Variants in TEX11 observed in about 807,000 individuals in gnomAD.
The protein encoded by TEX11 is testis-expressed protein 11.
A neutral mutation model predicts 84.4 loss-of-function variants in TEX11; 7 were observed. The observed-to-expected ratio is 0.08, with a 90% confidence interval of 0.05 to 0.16. TEX11 has a LOEUF of 0.16. Among genes scored for constraint, TEX11 ranks in the 10% least tolerant of loss-of-function variants. The pLI is 1.00. For missense variants in TEX11, 551 were observed against 660.5 expected (o/e 0.83, Z 1.82); for synonymous variants, 264 against 222.8 (o/e 1.18, Z -1.64).
intron 16 of TEX11, among the ~76,000 whole-genome samples, chrX:70,658,444 C>T (rs766588464): frequency 6.3e-5 from 7 of 110,768 alleles, no homozygotes; most frequent in East Asian, 2.8e-4. Flanking sequence ...AACAAAAAAA[C>T]CCATAGTAAT....
At chrX:70,753,101 C>T (rs1161863908) in intron 9 of TEX11, among the ~76,000 whole-genome samples, 3 of 106,450 alleles carry the variant, frequency 2.8e-5, no homozygotes, top group Admixed American at 1.0e-4. Flanking sequence ...TACTGTGGGT[C>T]GGTAAATGAA....
chrX:70,581,598 C>T (rs1487654203), intron 25 of TEX11, among the ~76,000 whole-genome samples: 1 of 110,738 alleles, frequency 9.0e-6, no homozygotes, highest in Non-Finnish European at 1.9e-5. Context: ...GCGCCTGGTC[C>T]TATATACTGT....
At chrX:70,907,959 A>AG in intron 1 of TEX11, 149 bp from the exon 2 acceptor site, 1 of 439,659 alleles carries the variant, frequency 2.3e-6, no homozygotes. Flanking sequence ...GGCTTTTGTG[A>AG]GGGGCAGGGC....
At chrX:70,878,052 C>T (rs1364093698) in intron 3 of TEX11, among the ~76,000 whole-genome samples, 3 of 110,542 alleles carry the variant, frequency 2.7e-5, no homozygotes, top group East Asian at 2.8e-4. Context: ...TGTATTTTAC[C>T]GCAATAAAAA....
At chrX:70,527,637 A>G (rs1227464142), downstream of TEX11, among the ~76,000 whole-genome samples, 1 of 109,280 alleles carries the variant, frequency 9.2e-6, no homozygotes, top group Non-Finnish European at 1.9e-5. Flanking sequence ...TGAAATTTGA[A>G]TGCGGTCTGT....
intron 16 of TEX11, among the ~76,000 whole-genome samples, chrX:70,652,156 A>G (rs1245268618): frequency 1.8e-5 from 2 of 111,436 alleles, no homozygotes; most frequent in Non-Finnish European, 3.8e-5. Context: ...GAGGTGTAAT[A>G]CTAGGAGACT....
chrX:70,679,796 C>G (rs1417556158), intron 14 of TEX11, among the ~76,000 whole-genome samples: 2 of 102,107 alleles, frequency 2.0e-5, no homozygotes, highest in African/African-American at 3.5e-5. Flanking sequence ...GTCAGCCCCC[C>G]GCCCGGCCAG....
chrX:70,890,110 C>G (rs2091729497), intron 2 of TEX11, among the ~76,000 whole-genome samples: 1 of 110,135 alleles, frequency 9.1e-6, no homozygotes, highest in Non-Finnish European at 1.9e-5. Flanking sequence ...CAATGGAAAC[C>G]AAAAAAGAGC....
chrX:70,832,064 G>GCAC (rs2147831858), intron 8 of TEX11, among the ~76,000 whole-genome samples: 1 of 111,522 alleles, frequency 9.0e-6, no homozygotes, highest in Admixed American at 9.6e-5. Flanking sequence ...ATCAAAGCTA[G>GCAC]CACCACCAAT....
chrX:70,828,794 A>G (rs1259784583), intron 8 of TEX11, among the ~76,000 whole-genome samples: 1 of 111,473 alleles, frequency 9.0e-6, no homozygotes, highest in Non-Finnish European at 1.9e-5. Context: ...CAAGGCATTT[A>G]ATAATCAAAC....
chrX:70,525,951 C>T (rs2087818420), downstream of TEX11, among the ~76,000 whole-genome samples: 1 of 111,287 alleles, frequency 9.0e-6, no homozygotes, highest in Non-Finnish European at 1.9e-5. Flanking sequence ...CCCTTCTCCT[C>T]GGCGCGGCGG....
downstream of TEX11, chrX:70,528,892 CA>C: frequency 2.3e-6 from 1 of 429,539 alleles, no homozygotes; most frequent in Admixed American, 4.1e-5. Flanking sequence ...TCATCCTTAG[CA>C]CTTTGGAAAA....
At chrX:70,603,611 C>G (rs1472597425) in intron 24 of TEX11, among the ~76,000 whole-genome samples, 2 of 111,457 alleles carry the variant, frequency 1.8e-5, no homozygotes, top group Non-Finnish European at 3.8e-5. Flanking sequence ...TAAAGGAAAC[C>G]TAGGCATTAC....
intron 28 of TEX11, among the ~76,000 whole-genome samples, chrX:70,534,090 CAAAAAAAAAAA>C (rs1168310559): frequency 4.6e-5 from 1 of 21,730 alleles, no homozygotes; most frequent in Non-Finnish European, 7.2e-5. Flanking sequence ...GACTCCATCT[CAAAAAAAAAAA>C]AAAAAAAAAA....
At position 70,607,531 on chromosome X, in the gene TEX11, C is replaced by T. The variant is rs144628838; in HGVS notation, c.1880-502G>A. ...ACCAGGAATTTGAGGTTACAGTGAG[C>T]TATGATGCCACCACTGCACTCCAGT... On this transcript the variant is annotated intron_variant, in intron 22 of 29. Coordinates refer to ENST00000374333, the MANE Select transcript of TEX11 (RefSeq NM_031276.3). Among the ~76,000 whole-genome samples the T allele has an allele frequency of 6.0e-3, 666 of 110,372 alleles. 5 individuals are homozygous for T. The highest frequency in any genetic ancestry group is 0.021 in the African/African-American group (639 of 30,296).
At chrX:70,822,688 C>T (rs893532057) in intron 8 of TEX11, among the ~76,000 whole-genome samples, 1 of 111,089 alleles carries the variant, frequency 9.0e-6, no homozygotes, top group East Asian at 2.8e-4. Flanking sequence ...ATTTGATTAA[C>T]GGTTTTGCAG....
At chrX:70,662,325 A>C (rs1452737508) in intron 16 of TEX11, among the ~76,000 whole-genome samples, 1 of 111,720 alleles carries the variant, frequency 9.0e-6, no homozygotes, top group Non-Finnish European at 1.9e-5. Flanking sequence ...AAAAAGAATA[A>C]AAAGAAATGA....
intron 13 of TEX11, among the ~76,000 whole-genome samples, chrX:70,691,541 C>G (rs1447726176): frequency 9.0e-6 from 1 of 111,142 alleles, no homozygotes; most frequent in African/African-American, 3.3e-5. Context: ...GGACACTATG[C>G]TAAGTGAAAT....
At chrX:70,843,638 C>T (rs1254789386) in intron 7 of TEX11, among the ~76,000 whole-genome samples, 3 of 111,545 alleles carry the variant, frequency 2.7e-5, no homozygotes, top group African/African-American at 9.8e-5. Flanking sequence ...AGCTTCTGCA[C>T]AGCAAAAGGA....
Sources: gnomAD v4.1 joint callset for allele counts (sites outside exome capture counted in the v4.1 genomes callset) on GRCh38, gnomAD v4.1.1 for gene constraint, MANE v1.5 for transcripts, NCBI Gene and HGNC (gene_info 2026-07-23, HGNC 2026-07-21) for gene names.